Variants in ADGRL3 observed in about 807,000 individuals in gnomAD.
The protein encoded by ADGRL3 is calcium-independent alpha-latrotoxin receptor 3.
Under a neutral mutation model 153.5 loss-of-function variants are expected in ADGRL3, and 62 were observed. The observed-to-expected ratio is 0.40, with a 90% CI of 0.33 to 0.50. The LOEUF is 0.50. Among genes scored for constraint, ADGRL3 ranks in the 20% least tolerant of loss-of-function variants. ADGRL3 has a pLI of 0.47. For synonymous variants in ADGRL3, 710 were observed against 672.5 expected (o/e 1.06, Z -0.86); for missense variants, 1,641 against 1,859.4 (o/e 0.88, Z 2.16).
intron 15 of ADGRL3, among the ~76,000 whole-genome samples, chr4:61,936,813 C>CACAG (rs939964108): frequency 1.3e-4 from 19 of 150,860 alleles, no homozygotes; most frequent in African/African-American, 3.6e-4. Context: ...CACACACACA[C>CACAG]AGAGATATAT....
intron 2 of ADGRL3, among the ~76,000 whole-genome samples, chr4:61,471,471 T>C (rs1245987183): frequency 6.6e-6 from 1 of 151,880 alleles, no homozygotes; most frequent in East Asian, 1.9e-4. Context: ...GTTTTTTCAT[T>C]CTTGTAGGCA....
chr4:61,540,150 G>A (rs1049091176), intron 4 of ADGRL3, among the ~76,000 whole-genome samples: 11 of 152,042 alleles, frequency 7.2e-5, no homozygotes, highest in South Asian at 4.1e-4. Context: ...TAAATAACTC[G>A]TCCAAAGTCA....
At chr4:61,378,299 T>C (rs2096628362) in intron 1 of ADGRL3, among the ~76,000 whole-genome samples, 2 of 152,134 alleles carry the variant, frequency 1.3e-5, no homozygotes, top group Admixed American at 6.6e-5. Flanking sequence ...ATCATTGATT[T>C]TTGTGGAGAC....
chr4:61,957,266 A>G (rs536535447), intron 17 of ADGRL3, among the ~76,000 whole-genome samples: 13 of 151,874 alleles, frequency 8.6e-5, no homozygotes, highest in African/African-American at 3.1e-4. Context: ...CTTGTTAGCT[A>G]TTTCCTAGGT....
chr4:61,460,570 T>A (rs2097799660), intron 2 of ADGRL3, among the ~76,000 whole-genome samples: 1 of 152,010 alleles, frequency 6.6e-6, no homozygotes, highest in Non-Finnish European at 1.5e-5. Flanking sequence ...GGTTGATTAA[T>A]GAGTGTATTA....
chr4:61,841,112 C>T (rs1002873110), intron 9 of ADGRL3, among the ~76,000 whole-genome samples: 2 of 152,122 alleles, frequency 1.3e-5, no homozygotes, highest in African/African-American at 4.8e-5. Flanking sequence ...ATGAGCTTAC[C>T]TCCTCCCCCT....
At chr4:61,388,544 C>G (rs2096767071) in intron 2 of ADGRL3, among the ~76,000 whole-genome samples, 1 of 152,242 alleles carries the variant, frequency 6.6e-6, no homozygotes, top group Non-Finnish European at 1.5e-5. Context: ...CTTTAATCCT[C>G]TATCTCACAC....
At chr4:61,264,386 G>A (rs935369674) in intron 1 of ADGRL3, among the ~76,000 whole-genome samples, 1 of 151,872 alleles carries the variant, frequency 6.6e-6, no homozygotes, top group African/African-American at 2.4e-5. Flanking sequence ...ACATAGCAAA[G>A]GACCATTTTA....
intron 21 of ADGRL3, among the ~76,000 whole-genome samples, chr4:62,007,423 C>CAT (rs2099164617): frequency 2.4e-5 from 2 of 82,532 alleles, no homozygotes; most frequent in African/African-American, 4.4e-5. Context: ...TATATATATA[C>CAT]ACATATATAT....
At chr4:61,839,515 A>AG (rs2097993333) in intron 9 of ADGRL3, among the ~76,000 whole-genome samples, 1 of 152,056 alleles carries the variant, frequency 6.6e-6, no homozygotes, top group South Asian at 2.1e-4. Context: ...TTAAACTAAG[A>AG]GGAAAAAAAA....
chr4:61,968,666 G>A (rs2099015499), intron 17 of ADGRL3, among the ~76,000 whole-genome samples: 1 of 152,090 alleles, frequency 6.6e-6, no homozygotes, highest in African/African-American at 2.4e-5. Flanking sequence ...AAACTGAAAA[G>A]TGACCAAAAA....
intron 2 of ADGRL3, among the ~76,000 whole-genome samples, chr4:61,439,265 C>G (rs2097498160): frequency 6.6e-6 from 1 of 152,046 alleles, no homozygotes. Flanking sequence ...TGTGAGGCCA[C>G]TGTACTTAGA....
chr4:61,863,492 C>A (rs1288741367), intron 9 of ADGRL3, among the ~76,000 whole-genome samples: 1 of 151,930 alleles, frequency 6.6e-6, no homozygotes, highest in Non-Finnish European at 1.5e-5. Flanking sequence ...CCGCCTCGGC[C>A]TCCCAAAGTG....
chr4:61,493,729 C>G (rs1343032268), intron 2 of ADGRL3, among the ~76,000 whole-genome samples: 2 of 152,176 alleles, frequency 1.3e-5, no homozygotes, highest in Non-Finnish European at 2.9e-5. Context: ...TCTTCACAAT[C>G]AAATAATGTT....
At chr4:61,300,525 G>A (rs1432963616) in intron 1 of ADGRL3, among the ~76,000 whole-genome samples, 3 of 152,136 alleles carry the variant, frequency 2.0e-5, no homozygotes, top group South Asian at 2.1e-4. Context: ...TGAGAGGAAA[G>A]CAGTTAAAGT....
intron 8 of ADGRL3, among the ~76,000 whole-genome samples, chr4:61,780,778 C>A (rs748108213): frequency 6.6e-6 from 1 of 152,170 alleles, no homozygotes; most frequent in Non-Finnish European, 1.5e-5. Context: ...TGGCACTCAG[C>A]TTTGCCAGCT....
At chr4:61,488,880 A>T (rs937954615) in intron 2 of ADGRL3, among the ~76,000 whole-genome samples, 18 of 152,012 alleles carry the variant, frequency 1.2e-4, no homozygotes, top group Admixed American at 1.2e-3. Context: ...TACCATGACC[A>T]ATTTAATCTT....
intron 1 of ADGRL3, among the ~76,000 whole-genome samples, chr4:61,252,024 C>A (rs1198488731): frequency 6.6e-6 from 1 of 151,916 alleles, no homozygotes; most frequent in East Asian, 1.9e-4. Flanking sequence ...GCTGGGATTA[C>A]AGGCACCTGC....
At chr4:61,458,355 A>G (rs968750780) in intron 2 of ADGRL3, among the ~76,000 whole-genome samples, 1 of 151,334 alleles carries the variant, frequency 6.6e-6, no homozygotes, top group Non-Finnish European at 1.5e-5. Flanking sequence ...TGTTTTTTAG[A>G]GAGATTTATA....
Sources: allele counts gnomAD v4.1 joint callset (sites outside exome capture counted in the v4.1 genomes callset), GRCh38; gene constraint gnomAD v4.1.1; transcripts MANE v1.5; gene names NCBI Gene and HGNC (gene_info 2026-07-23, HGNC 2026-07-21).